MYO16: variants seen among roughly 807,000 people sequenced by gnomAD.
MYO16 encodes the protein myosin XVI.
MYO16 carries 94 observed loss-of-function variants against 205.3 expected under a neutral mutation model. The ratio of observed to expected loss-of-function variants is 0.46; its 90% CI spans 0.39 to 0.54. The LOEUF is 0.54. Among genes scored for constraint, MYO16 ranks in the 20% least tolerant of loss-of-function variants. The pLI is 0.00. For missense variants in MYO16, 2,315 were observed against 2,387.5 expected (o/e 0.97, Z 0.63); for synonymous variants, 988 against 954.0 (o/e 1.04, Z -0.66).
chr13:108,763,484 C>G (rs1885676574), intron 4 of MYO16, among the ~76,000 whole-genome samples: 1 of 151,990 alleles, frequency 6.6e-6, no homozygotes, highest in South Asian at 2.1e-4. Context: ...TTGTGGTGTT[C>G]AGAATGGTGA....
chr13:108,751,111 G>C (rs530800659), intron 4 of MYO16, among the ~76,000 whole-genome samples: 5 of 151,792 alleles, frequency 3.3e-5, no homozygotes, highest in Non-Finnish European at 7.4e-5. Flanking sequence ...CCTGTCAGTT[G>C]AGAGAACCCA....
chr13:109,175,671 A>T (rs1344251831), intron 33 of MYO16, among the ~76,000 whole-genome samples: 1 of 152,154 alleles, frequency 6.6e-6, no homozygotes, highest in Non-Finnish European at 1.5e-5. Flanking sequence ...GGGAATTGTT[A>T]ACTCCAAGCC....
At chr13:108,789,663 G>A (rs1886558597) in intron 5 of MYO16, among the ~76,000 whole-genome samples, 1 of 152,090 alleles carries the variant, frequency 6.6e-6, no homozygotes, top group Non-Finnish European at 1.5e-5. Context: ...TACTTTATTT[G>A]CCTGCTCAGC....
chr13:108,837,288 T>A lies in MYO16; in HGVS notation c.1098-7055T>A, dbSNP rs1389029911. On this transcript the variant is annotated intron_variant, in intron 9 of 34. Coordinates refer to ENST00000457511, the MANE Select transcript of MYO16 (RefSeq NM_001198950.3). ...CCTTCTGCCATGATTGTAAGTTTCC[T>A]GAGGCCTCCCCAGCCATGTGGAACT... 2.6e-5 allele frequency among the ~76,000 whole-genome samples: 4 copies of A among 152,312 alleles called. No individual in the cohort carries two copies. The South Asian group carries it at 6.2e-4, about 24-fold the overall frequency.
chr13:108,525,101 C>T, the MYO16 span, among the ~76,000 whole-genome samples: 7 of 152,258 alleles, frequency 4.6e-5, no homozygotes, highest in Non-Finnish European at 8.8e-5. Context: ...AACACACAGA[C>T]TTTACCTCTG....
chr13:108,972,205 G>GTCTCTCTCTCTCTC lies in MYO16; in HGVS notation c.2369+7335_2369+7348dup, dbSNP rs749547949. Among the ~76,000 whole-genome samples the GTCTCTCTCTCTCTC allele has an allele frequency of 9.0e-4, 10 of 11,138 alleles. 1 individual carries two copies. Among genetic ancestry groups the GTCTCTCTCTCTCTC allele is most frequent in the African/African-American group, 2.5e-3 (6 of 2,418 alleles). The allele number at this position is 11,138 out of a possible 152,430, so 7.3% of individuals were successfully genotyped here. On this transcript the variant is annotated intron_variant, in intron 20 of 34. Transcript: ENST00000457511. ...AGCCTGGATGACAGACTGAGACCCT[G>GTCTCTCTCTCTCTC]TCTCTCTCTCTCTCTCTCTCTCTCT...
intron 4 of MYO16, among the ~76,000 whole-genome samples, chr13:108,772,311 C>T (rs1885992985): frequency 1.3e-5 from 2 of 151,998 alleles, no homozygotes; most frequent in African/African-American, 4.8e-5. Flanking sequence ...GATAGCACCA[C>T]TGCACTCCAG....
rs182405227 is a variant in MYO16 at position 108,633,386 on chromosome 13, A to G, written c.28+3514A>G. 7.9e-5 allele frequency among the ~76,000 whole-genome samples: 12 copies of G among 152,310 alleles called. No homozygotes were observed. The East Asian group carries it at 2.3e-3, about 29-fold the overall frequency. On this transcript the variant is annotated intron_variant, in intron 1 of 34. Coordinates refer to ENST00000457511, the MANE Select transcript of MYO16 (RefSeq NM_001198950.3). ...AGTGCAGCCTTTAGTCTGTGGTCAAAGGTCCAAGAGTCCAAAAGCGGAAGA... is the reference window on the plus strand; with the variant it reads ...AGTGCAGCCTTTAGTCTGTGGTCAAGGGTCCAAGAGTCCAAAAGCGGAAGA...
chr13:109,156,715 G>C (rs1566539076), intron 32 of MYO16, among the ~76,000 whole-genome samples: 1 of 152,002 alleles, frequency 6.6e-6, no homozygotes, highest in Non-Finnish European at 1.5e-5. Flanking sequence ...GCCGCCCTGC[G>C]TGCCACACAG....
At chr13:108,835,720 G>A (rs551660420) in intron 9 of MYO16, among the ~76,000 whole-genome samples, 1 of 152,174 alleles carries the variant, frequency 6.6e-6, no homozygotes, top group Non-Finnish European at 1.5e-5. Flanking sequence ...TGAGGAACTT[G>A]TTGGGAACTG....
In MYO16 at chr13:109,040,203, C is replaced by T. The variant is rs187553804; in HGVS notation, c.2797-6713C>T. Among the ~76,000 whole-genome samples the T allele has an allele frequency of 7.2e-5, 11 of 152,108 alleles. No homozygotes were observed. The East Asian group carries it at 2.1e-3, about 29-fold the overall frequency. ...ATTTAAAGTCTCTCAAAAAAGCTTC[C>T]TATTCCAGATTGTTTCACTGGAGAA... On this transcript the variant is annotated intron_variant, in intron 23 of 34. Transcript: ENST00000457511.
the MYO16 span, among the ~76,000 whole-genome samples, chr13:108,536,441 C>G: frequency 2.7e-5 from 3 of 112,528 alleles, no homozygotes; most frequent in Admixed American, 1.3e-4. Context: ...ATCCTTGTTT[C>G]TTGGAGCTGT....
intron 4 of MYO16, among the ~76,000 whole-genome samples, chr13:108,777,181 C>T (rs1886150554): frequency 1.3e-5 from 2 of 151,984 alleles, no homozygotes; most frequent in Non-Finnish European, 2.9e-5. Flanking sequence ...GGAGGGGCAC[C>T]GGGATTGAAT....
At chr13:108,539,609 T>C in the MYO16 span, among the ~76,000 whole-genome samples, 60 of 152,202 alleles carry the variant, frequency 3.9e-4, no homozygotes, top group South Asian at 0.012. Flanking sequence ...GTGCAGATAT[T>C]TCTCGCATTG....
At chr13:108,732,146 G>A (rs1884543279) in intron 4 of MYO16, among the ~76,000 whole-genome samples, 1 of 152,182 alleles carries the variant, frequency 6.6e-6, no homozygotes, top group African/African-American at 2.4e-5. Flanking sequence ...ATTGTCCAAT[G>A]TGGAAGACTG....
chr13:108,938,138 G>A (rs1048994592), intron 16 of MYO16, among the ~76,000 whole-genome samples: 2 of 151,818 alleles, frequency 1.3e-5, no homozygotes, highest in African/African-American at 4.8e-5. Flanking sequence ...CTCTCTAGGG[G>A]TGTGACTGTA....
chr13:109,155,488 C>T (rs1265224858), intron 32 of MYO16, among the ~76,000 whole-genome samples: 3 of 152,136 alleles, frequency 2.0e-5, no homozygotes, highest in African/African-American at 7.2e-5. Context: ...TCTCAGCACA[C>T]GCAACCTTTC....
At chr13:108,496,566 C>A in the MYO16 span, among the ~76,000 whole-genome samples, 4 of 152,186 alleles carry the variant, frequency 2.6e-5, no homozygotes, top group Admixed American at 6.5e-5. Flanking sequence ...CGAGCCTCAG[C>A]GCATCGCCCC....
intron 2 of MYO16, among the ~76,000 whole-genome samples, chr13:108,696,339 C>A (rs1883088678): frequency 1.3e-5 from 2 of 152,178 alleles, no homozygotes. Flanking sequence ...ACACAAATGT[C>A]TACCAATGGG....
Sources: allele counts gnomAD v4.1 joint callset (sites outside exome capture counted in the v4.1 genomes callset), GRCh38; gene constraint gnomAD v4.1.1; transcripts MANE v1.5; gene names NCBI Gene and HGNC (gene_info 2026-07-23, HGNC 2026-07-21).